INTS6: variants seen among roughly 807,000 people sequenced by gnomAD.
The protein encoded by INTS6 is DEAD box protein.
In INTS6, 16 loss-of-function variants were observed where a neutral mutation model predicts 104.9. That is an observed-to-expected ratio of 0.15 (90% confidence interval 0.10 to 0.23). The LOEUF is 0.23. INTS6 is among the 10% of genes least tolerant of loss of function. INTS6 has a pLI of 1.00. For missense variants in INTS6, 584 were observed against 1,062.8 expected (o/e 0.55, Z 6.26); for synonymous variants, 324 against 358.7 (o/e 0.90, Z 1.09).
At chr13:51,341,344 C>T in the INTS6 span, 1 of 1,592,498 alleles carries the variant, frequency 6.3e-7, no homozygotes, top group Non-Finnish European at 8.6e-7. Context: ...GTACACTGTC[C>T]ATGGTAAGAG....
At chr13:51,374,857 T>G (rs1955886251) in intron 13 of INTS6, 61 bp from the exon 14 acceptor site, 2 of 1,544,746 alleles carry the variant, frequency 1.3e-6, no homozygotes. Context: ...AAATAATGTT[T>G]CCTTATATAT....
chr13:51,367,549 G>C (rs1432257084), intron 17 of INTS6, among the ~76,000 whole-genome samples: 1 of 151,942 alleles, frequency 6.6e-6, no homozygotes, highest in African/African-American at 2.4e-5. Context: ...CTACAGAGAA[G>C]AATAACAAGA....
intron 17 of INTS6, 101 bp downstream of exon 17, chr13:51,367,704 T>C (rs1955719859): frequency 3.1e-6 from 2 of 638,896 alleles, no homozygotes; most frequent in Non-Finnish European, 5.4e-6. Flanking sequence ...CATATACATT[T>C]ATAAACAATA....
At position 51,388,401 on chromosome 13, in the gene INTS6, C is replaced by CT. The variant is rs1217185920; in HGVS notation, c.740-862dup. ...TTTTTTTGTTTTTGTTTTTGTTTTT[C>CT]TTTTTTTTTGAGATGGAGTTTCACT... On this transcript the variant is annotated intron_variant, in intron 6 of 17. Coordinates refer to ENST00000311234, the MANE Select transcript of INTS6 (RefSeq NM_012141.3). Among the ~76,000 whole-genome samples, 50 of 147,030 alleles carry CT rather than the reference C, an allele frequency of 3.4e-4. No homozygotes were observed. The East Asian group carries it at 7.1e-3, about 21-fold the overall frequency.
chr13:51,422,894 T>G, intron 4 of INTS6: 1 of 345,496 alleles, frequency 2.9e-6, no homozygotes, highest in Non-Finnish European at 5.3e-6. Flanking sequence ...TACTGTTTTC[T>G]CTTCCTGATA....
At chr13:51,348,292 G>C in the INTS6 span, 12 of 1,611,928 alleles carry the variant, frequency 7.4e-6, no homozygotes, top group Admixed American at 8.4e-5. Context: ...GTCTGTTCCT[G>C]GTGCTGCCCC....
At chr13:51,406,365 C>A (rs1956565867) in intron 4 of INTS6, among the ~76,000 whole-genome samples, 2 of 152,012 alleles carry the variant, frequency 1.3e-5, no homozygotes, top group Non-Finnish European at 2.9e-5. Context: ...TTTCCTCTAC[C>A]CAAAATGGTC....
At chr13:51,420,539 T>C (rs2138066736) in intron 4 of INTS6, among the ~76,000 whole-genome samples, 1 of 152,186 alleles carries the variant, frequency 6.6e-6, no homozygotes, top group East Asian at 1.9e-4. Flanking sequence ...GTCATTGAAA[T>C]GATGCAGGTA....
intron 5 of INTS6, among the ~76,000 whole-genome samples, chr13:51,391,684 C>T (rs559885708): frequency 6.6e-6 from 1 of 151,958 alleles, no homozygotes; most frequent in Non-Finnish European, 1.5e-5. Flanking sequence ...GTAGAGTCCA[C>T]AAAAAAGTCA....
intron 16 of INTS6, among the ~76,000 whole-genome samples, chr13:51,368,574 G>A (rs1955738322): frequency 6.6e-6 from 1 of 152,118 alleles, no homozygotes; most frequent in African/African-American, 2.4e-5. Flanking sequence ...CATAGTGGTA[G>A]GCACTATGAC....
the INTS6 span, among the ~76,000 whole-genome samples, chr13:51,339,908 G>GACAC: frequency 6.6e-6 from 1 of 151,034 alleles, no homozygotes; most frequent in East Asian, 1.9e-4. Context: ...CCTGGGCTGG[G>GACAC]ACACACACAC....
chr13:51,450,401 A>G (rs1953012461), intron 3 of INTS6: 1 of 985,390 alleles, frequency 1.0e-6, no homozygotes, highest in Non-Finnish European at 1.2e-6. Context: ...GGGTTCTTTC[A>G]TATTTTCCAG....
At chr13:51,352,962 A>G (rs143712010), downstream of INTS6, among the ~76,000 whole-genome samples, 235 of 152,266 alleles carry the variant, frequency 1.5e-3, no homozygotes, top group African/African-American at 5.5e-3. Context: ...CCACTTTGTC[A>G]TGGTGAGATT....
At chr13:51,377,701 C>T (rs939950170) in intron 12 of INTS6, among the ~76,000 whole-genome samples, 1 of 152,094 alleles carries the variant, frequency 6.6e-6, no homozygotes, top group Non-Finnish European at 1.5e-5. Flanking sequence ...CACCACACTG[C>T]ATGGATCACT....
the INTS6 span, among the ~76,000 whole-genome samples, chr13:51,336,303 C>T: frequency 6.6e-6 from 1 of 152,132 alleles, no homozygotes; most frequent in African/African-American, 2.4e-5. Flanking sequence ...ACCTGGCCAA[C>T]ATGGCGAAAC....
chr13:51,375,899 T>G, intron 13 of INTS6, 149 bp downstream of exon 13: 1 of 624,124 alleles, frequency 1.6e-6, no homozygotes, highest in Non-Finnish European at 2.5e-6. Flanking sequence ...GAATCAGGGA[T>G]GATTCACCTT....
chr13:51,409,263 A>AAATAATAATAATAAT (rs57913744), intron 4 of INTS6, among the ~76,000 whole-genome samples: 4 of 135,958 alleles, frequency 2.9e-5, no homozygotes, highest in Non-Finnish European at 6.2e-5. Flanking sequence ...AATCCGTCTC[A>AAATAATAATAATAAT]AATAATAATA....
intron 15 of INTS6, among the ~76,000 whole-genome samples, chr13:51,370,509 T>G (rs1043903004): frequency 6.6e-6 from 1 of 152,102 alleles, no homozygotes; most frequent in Non-Finnish European, 1.5e-5. Context: ...TGGCACCAAG[T>G]TCAAGAAGCC....
Position 51,421,253 on chromosome 13 carries a change from T to C in INTS6, c.429+9041A>G, listed in dbSNP as rs145639381. On this transcript the variant is annotated intron_variant, in intron 4 of 17. Transcript: ENST00000311234. ...AGGTCGATCCTGTATCCAGGAATCA[T>C]GACCCTCCCTGAGGCACCAGTCATC... The C allele has an allele frequency of 3.8e-4, 374 of 985,770 alleles. No homozygotes were observed. The Middle Eastern group carries it at 8.9e-3, about 23-fold the overall frequency. The allele number at this position is 985,770 out of a possible 1,614,324, so 61.1% of individuals were successfully genotyped here.
Sources: gnomAD v4.1 joint callset for allele counts (sites outside exome capture counted in the v4.1 genomes callset) on GRCh38, gnomAD v4.1.1 for gene constraint, MANE v1.5 for transcripts, NCBI Gene and HGNC (gene_info 2026-07-23, HGNC 2026-07-21) for gene names.